C8orf82: variants seen among roughly 807,000 people sequenced by gnomAD.
C8orf82 encodes the protein UPF0598 protein C8orf82.
Under a neutral mutation model 15.0 loss-of-function variants are expected in C8orf82, and 24 were observed. That is an observed-to-expected ratio of 1.60 (90% CI 1.16 to 2.24). The LOEUF (loss-of-function observed/expected upper bound fraction) is 2.24. Among genes scored for constraint, C8orf82 ranks in the 30% most tolerant of loss-of-function variants. C8orf82 has a pLI of 0.00. For synonymous variants in C8orf82, 205 were observed against 152.2 expected, an observed-to-expected ratio of 1.35 and a Z score of -2.55; for missense variants, 388 against 317.4, an observed-to-expected ratio of 1.22 and a Z score of -1.69.
chr8:144,527,431 C>A lies in C8orf82; in HGVS notation c.562G>T (p.Ala188Ser), dbSNP rs1294491027. The stretch of plus-strand genomic sequence containing the variant: ...TGCCAGCGCACGTGCGAGGGCAGCG[C>A]AGGCGCGCCGGGCCCGTACTCGAAG... ...ACFEYGPGAP[A>S]LPSHVRWQGR... Residue 188 changes from alanine to serine, a missense_variant, in exon 3 of 3, where the codon GCG becomes TCG. Coordinates refer to ENST00000524821, the MANE Select transcript of C8orf82 (RefSeq NM_001001795.2). The A allele has an allele frequency of 3.2e-6, 4 of 1,241,278 alleles. No individual in the cohort carries two copies. The highest frequency in any genetic ancestry group is 4.0e-6 in the Non-Finnish European group (4 of 989,780). 76.9% of individuals were successfully genotyped at this position (1,241,278 alleles called of 1,614,324 possible).
In C8orf82 at chr8:144,527,551, G is replaced by A. The variant is rs1816415530; in HGVS notation, c.442C>T (p.Leu148=). Residue 148 remains leucine, a synonymous_variant, in exon 3 of 3, where the codon CTG becomes TTG. Transcript: ENST00000524821. The part of the protein sequence containing the change: ...VPFEPARLLP[L]AANGRLYHPA... ...TGGTACAGGCGCCCGTTGGCGGCCA[G>A]GGGCAGCAGGCGCGCCGGCTCGAAG... is the stretch of plus-strand genomic sequence containing the variant. 10 of 1,410,662 alleles carry A rather than the reference G, an allele frequency of 7.1e-6. No homozygotes were observed. Among genetic ancestry groups the A allele is most frequent in the Non-Finnish European group, 9.2e-6 (10 of 1,090,536 alleles). The allele number at this position is 1,410,662 out of a possible 1,614,324, so 87.4% of individuals were successfully genotyped here.
In C8orf82 at chr8:144,529,042, CGCTCTTCCCTCTCCCTCGGGCCTCGGG is replaced by C. The variant is rs1465851748; in HGVS notation, c.-153_-127del. 6 of 1,014,092 alleles carry C rather than the reference CGCTCTTCCCTCTCCCTCGGGCCTCGGG, an allele frequency of 5.9e-6. No individual in the cohort carries two copies. Among genetic ancestry groups the C allele is most frequent in the Non-Finnish European group, 7.9e-6 (6 of 758,908 alleles). 62.8% of individuals were successfully genotyped at this position (1,014,092 alleles called of 1,614,324 possible). A position where few individuals can be genotyped will look rare whatever the true frequency, so the allele number is the denominator to read the frequency against. ...GCCCGCCTCCGCGACCCGGGCCCGGCGCTCTTCCCTCTCCCTCGGGCCTCGGGGGCTCGCCCGCCCTGGCCTTCCGAG... is the reference window on the plus strand; with the variant it reads ...GCCCGCCTCCGCGACCCGGGCCCGGCGGCTCGCCCGCCCTGGCCTTCCGAG... On this transcript the variant is annotated 5_prime_UTR_variant, in exon 1 of 3. Coordinates refer to ENST00000524821, the MANE Select transcript of C8orf82 (RefSeq NM_001001795.2).
At position 144,525,875 on chromosome 8, in the gene C8orf82, T is replaced by A. The variant is rs1395881827; in HGVS notation, c.*1467A>T. 1.3e-5 allele frequency: 2 copies of A among 152,206 alleles called. No individual in the cohort carries two copies. The highest frequency in any genetic ancestry group is 1.3e-4 in the Admixed American group (2 of 15,282). 9.4% of individuals were successfully genotyped at this position (152,206 alleles called of 1,614,324 possible). ...TCCCAAGTGGGCTCTGGGAGCAGTG[T>A]GACCTCTGAGATCAGCAAGGAGCAG... is the stretch of plus-strand genomic sequence containing the variant. On this transcript the variant is annotated 3_prime_UTR_variant, in exon 3 of 3. Transcript: ENST00000524821.
At chr8:144,528,412 A>G in intron 1 of C8orf82, 1 of 1,489,256 alleles carries the variant, frequency 6.7e-7, no homozygotes, top group Non-Finnish European at 9.0e-7. Context: ...TTCCAAAAAA[A>G]GGCAGGGCGG....
chr8:144,528,416 A>G (rs2130804810), intron 1 of C8orf82: 1 of 1,489,294 alleles, frequency 6.7e-7, no homozygotes, highest in Non-Finnish European at 9.0e-7. Context: ...AAAAAAAGGC[A>G]GGGCGGCCCG....
chr8:144,527,442 G>A lies in C8orf82; in HGVS notation c.551C>T (p.Pro184Leu). The change falls in exon 3 of 3, where the codon CCC (proline) becomes CTC (leucine). Residue 184 changes from proline (P) to leucine (L), a missense_variant. Coordinates refer to ENST00000524821, the MANE Select transcript of C8orf82 (RefSeq NM_001001795.2). ...GTGCGAGGGCAGCGCAGGCGCGCCG[G>A]GCCCGTACTCGAAGCAGGCGCTGAG... ...FELSACFEYG[P>L]GAPALPSHVR... 8.1e-7 allele frequency: 1 copy of A among 1,240,424 alleles called. No individual in the cohort carries two copies. The highest frequency in any genetic ancestry group is 1.0e-6 in the Non-Finnish European group (1 of 989,848). The allele number at this position is 1,240,424 out of a possible 1,614,324, so 76.8% of individuals were successfully genotyped here. A position where few individuals can be genotyped will look rare whatever the true frequency, so the allele number is the denominator to read the frequency against.
In C8orf82 at chr8:144,526,149, A is replaced by C. The variant is rs927110487; in HGVS notation, c.*1193T>G. On this transcript the variant is annotated 3_prime_UTR_variant, in exon 3 of 3. Transcript: ENST00000524821. ...AGTCATGTGGAAAGGGACAGGACCA[A>C]GTGGCCTTGGTGTTTAAATCTTGCC... 6.6e-6 allele frequency: 1 copy of C among 152,358 alleles called. No individual in the cohort carries two copies. The highest frequency in any genetic ancestry group is 2.1e-4 in the South Asian group (1 of 4,828). The allele number at this position is 152,358 out of a possible 1,614,324, so 9.4% of individuals were successfully genotyped here.
At position 144,527,292 on chromosome 8, in the gene C8orf82, G is replaced by A; in HGVS notation, c.*50C>T. 2 of 1,128,552 alleles carry A rather than the reference G, an allele frequency of 1.8e-6. No individual in the cohort carries two copies. The highest frequency in any genetic ancestry group is 4.2e-5 in the East Asian group (1 of 23,612). 69.9% of individuals were successfully genotyped at this position (1,128,552 alleles called of 1,614,324 possible). ...GCTTTCCGGGGCGTGGAGTCCCGGGGGAGCGGGGCGAGAGGCGCCCGCGGC... is the reference window on the plus strand; with the variant it reads ...GCTTTCCGGGGCGTGGAGTCCCGGGAGAGCGGGGCGAGAGGCGCCCGCGGC... On this transcript the variant is annotated 3_prime_UTR_variant, in exon 3 of 3. Coordinates refer to ENST00000524821, the MANE Select transcript of C8orf82 (RefSeq NM_001001795.2).
At position 144,527,296 on chromosome 8, in the gene C8orf82, C is replaced by A. The variant is rs899884791; in HGVS notation, c.*46G>T. 5.9e-5 allele frequency: 67 copies of A among 1,132,594 alleles called. 1 individual carries two copies. The highest frequency in any genetic ancestry group is 6.9e-5 in the Non-Finnish European group (63 of 918,040). 70.2% of individuals were successfully genotyped at this position (1,132,594 alleles called of 1,614,324 possible). ...TCCGGGGCGTGGAGTCCCGGGGGAG[C>A]GGGGCGAGAGGCGCCCGCGGCCTCC... On this transcript the variant is annotated 3_prime_UTR_variant, in exon 3 of 3. Coordinates refer to ENST00000524821, the MANE Select transcript of C8orf82 (RefSeq NM_001001795.2).
chr8:144,528,616 C>CGGGGGGGGG, intron 1 of C8orf82, 145 bp downstream of exon 1: 14 of 295,986 alleles, frequency 4.7e-5, no homozygotes, highest in East Asian at 1.6e-4. Context: ...GCGCAGGCCC[C>CGGGGGGGGG]GCCCACCCAC....
chr8:144,528,002 G>A (rs1258363121), intron 2 of C8orf82, 22 bp downstream of exon 2: 2 of 1,610,974 alleles, frequency 1.2e-6, no homozygotes, highest in Admixed American at 3.3e-5. Flanking sequence ...AGAAGGGGCT[G>A]GAGAGGGAGG....
Position 144,527,151 on chromosome 8 carries a change from C to T in C8orf82, c.*191G>A, listed in dbSNP as rs1201306987. Reference sequence around the variant, plus strand: ...AGTCGGGTGCGCGGGGGGCGCGCGCCGTGGGGAGCGGGGTGTCCGGGAGGG... The same window carrying T: ...AGTCGGGTGCGCGGGGGGCGCGCGCTGTGGGGAGCGGGGTGTCCGGGAGGG... On this transcript the variant is annotated 3_prime_UTR_variant, in exon 3 of 3. Transcript: ENST00000524821. 1 of 261,840 alleles carries T rather than the reference C, an allele frequency of 3.8e-6. No individual in the cohort carries two copies. Among genetic ancestry groups the T allele is most frequent in the Admixed American group, 5.8e-5 (1 of 17,184 alleles). 16.2% of individuals were successfully genotyped at this position (261,840 alleles called of 1,614,324 possible). A position where few individuals can be genotyped will look rare whatever the true frequency, so the allele number is the denominator to read the frequency against.
rs1816525295 is a variant in C8orf82, at chr8:144,529,032, C to T, written c.-116G>A. ...TTCCGGCGGCGCCCGCCTCCGCGAC[C>T]CGGGCCCGGCGCTCTTCCCTCTCCC... On this transcript the variant is annotated 5_prime_UTR_variant, in exon 1 of 3. Transcript: ENST00000524821. 2 of 1,102,678 alleles carry T rather than the reference C, an allele frequency of 1.8e-6. No homozygotes were observed. The highest frequency in any genetic ancestry group is 2.4e-6 in the Non-Finnish European group (2 of 838,340). The allele number at this position is 1,102,678 out of a possible 1,614,324, so 68.3% of individuals were successfully genotyped here. A position where few individuals can be genotyped will look rare whatever the true frequency, so the allele number is the denominator to read the frequency against.
At chr8:144,528,321 T>C (rs1383596284) in intron 1 of C8orf82, 1 of 1,507,460 alleles carries the variant, frequency 6.6e-7, no homozygotes, top group South Asian at 1.2e-5. Context: ...CTTTTCAAGT[T>C]TGTAATCAGT....
At chr8:144,528,213 G>C (rs1000833019) in intron 1 of C8orf82, 141 bp from the exon 2 acceptor site, 2 of 1,492,684 alleles carry the variant, frequency 1.3e-6, no homozygotes, top group Non-Finnish European at 1.8e-6. Context: ...CATGCAGGGA[G>C]GCGCGTGAAA....
Position 144,527,113 on chromosome 8 carries a change from C to T in C8orf82, c.*229G>A, listed in dbSNP as rs1816393077. The stretch of plus-strand genomic sequence containing the variant: ...CTGACGTCTCGAGCGCAGGCCAATC[C>T]GGAGGGCGCCGGAGTCGGGTGCGCG... On this transcript the variant is annotated 3_prime_UTR_variant, in exon 3 of 3. Transcript: ENST00000524821. The T allele has an allele frequency of 5.0e-6, 1 of 198,392 alleles. No individual in the cohort carries two copies. Among genetic ancestry groups the T allele is most frequent in the African/African-American group, 2.4e-5 (1 of 42,480 alleles). 12.3% of individuals were successfully genotyped at this position (198,392 alleles called of 1,614,324 possible).
rs965115700 is a variant in C8orf82 at position 144,529,086 on chromosome 8, C to G, written c.-170G>C. ...GGCCTCGGGGGCTCGCCCGCCCTGG[C>G]CTTCCGAGAGGCGTGTGCCGGTGAC... On this transcript the variant is annotated 5_prime_UTR_variant, in exon 1 of 3. Coordinates refer to ENST00000524821, the MANE Select transcript of C8orf82 (RefSeq NM_001001795.2). 9.3e-5 allele frequency: 57 copies of G among 611,532 alleles called. No homozygotes were observed. In the Middle Eastern group the frequency reaches 1.9e-3, roughly 21 times the overall value. The allele number at this position is 611,532 out of a possible 1,614,324, so 37.9% of individuals were successfully genotyped here.
At chr8:144,528,359 T>G (rs1348591953) in intron 1 of C8orf82, 1 of 1,499,386 alleles carries the variant, frequency 6.7e-7, no homozygotes. Flanking sequence ...GGAGACTACC[T>G]GGCCTGCTGC....
Position 144,527,819 on chromosome 8 carries a change from G to A in C8orf82, c.206-32C>T, listed in dbSNP as rs776154518. 8 of 1,586,858 alleles carry A rather than the reference G, an allele frequency of 5.0e-6. No individual in the cohort carries two copies. The South Asian group carries it at 7.8e-5, about 15-fold the overall frequency. On this transcript the variant is annotated intron_variant, in intron 2 of 2. Transcript: ENST00000524821. ...GATGAAGGGTGCGTGTACTCAGCGC[G>A]CTGGGCTCCCAAGGCCTCCGGGCCC...
Sources: gnomAD v4.1 joint callset for allele counts on GRCh38, gnomAD v4.1.1 for gene constraint, MANE v1.5 for transcripts, NCBI Gene and HGNC (gene_info 2026-07-23, HGNC 2026-07-21) for gene names.